The following GRB10 variants were observed in gnomAD, a reference collection of about 807,000 sequenced individuals.
GRB10 encodes the protein growth factor receptor bound protein 10.
A neutral mutation model predicts 80.9 loss-of-function variants in GRB10; 20 were observed. The observed-to-expected ratio is 0.25, with a 90% CI of 0.17 to 0.36. The LOEUF is 0.36. Among genes scored for constraint, GRB10 ranks in the 10% least tolerant of loss-of-function variants. The pLI is 1.00. For missense variants in GRB10, 548 were observed against 747.7 expected (o/e 0.73, Z 3.12); for synonymous variants, 291 against 291.5 (o/e 1.00, Z 0.02).
intron 7 of GRB10, among the ~76,000 whole-genome samples, chr7:50,647,368 T>C (rs1017900275): frequency 7.3e-5 from 11 of 151,226 alleles, no homozygotes; most frequent in South Asian, 2.1e-4. Flanking sequence ...TTTGAAAAAA[T>C]GTTTTCAGAT....
intron 3 of GRB10, among the ~76,000 whole-genome samples, chr7:50,747,070 A>G (rs1252825170): frequency 6.6e-6 from 1 of 152,190 alleles, no homozygotes; most frequent in Non-Finnish European, 1.5e-5. Flanking sequence ...CCCTCAAATC[A>G]GCAGTCTCTC....
intron 5 of GRB10, among the ~76,000 whole-genome samples, chr7:50,681,650 C>T (rs936143491): frequency 8.5e-5 from 13 of 152,230 alleles, no homozygotes; most frequent in Admixed American, 3.3e-4. Flanking sequence ...TGTGTGCACA[C>T]GGAGCCTGCC....
chr7:50,636,550 A>C (rs2108353), intron 7 of GRB10, among the ~76,000 whole-genome samples: 80,033 of 151,948 alleles, frequency 0.53, 21,224 homozygotes, highest in Admixed American at 0.54. Context: ...AGTGGGTTTA[A>C]TTCCAGGGAT....
At chr7:50,700,652 C>T (rs966317030) in intron 5 of GRB10, among the ~76,000 whole-genome samples, 5 of 152,128 alleles carry the variant, frequency 3.3e-5, no homozygotes, top group African/African-American at 1.2e-4. Flanking sequence ...TCCACCTGTA[C>T]TATGTTCACT....
intron 5 of GRB10, among the ~76,000 whole-genome samples, chr7:50,687,954 T>G (rs888533181): frequency 4.7e-4 from 72 of 152,272 alleles, no homozygotes; most frequent in African/African-American, 1.7e-3. Flanking sequence ...ATTCCTCGTC[T>G]GTTCTGCTCA....
chr7:50,605,137 G>A (rs1443556432), intron 15 of GRB10, 153 bp downstream of exon 15: 1 of 654,164 alleles, frequency 1.5e-6, no homozygotes, highest in Non-Finnish European at 2.7e-6. Flanking sequence ...GGGCCTAGAA[G>A]GGCCAACTGC....
intron 3 of GRB10, among the ~76,000 whole-genome samples, chr7:50,745,333 C>G (rs1348529351): frequency 6.6e-6 from 1 of 152,070 alleles, no homozygotes; most frequent in African/African-American, 2.4e-5. Context: ...TTGTTTCTAC[C>G]TTTGGAATCC....
intron 4 of GRB10, among the ~76,000 whole-genome samples, chr7:50,722,527 G>C (rs1378293414): frequency 6.6e-6 from 1 of 152,174 alleles, no homozygotes; most frequent in African/African-American, 2.4e-5. Flanking sequence ...ATAGTTGATG[G>C]GGGCACATGG....
chr7:50,603,851 A>C, intron 17 of GRB10, 147 bp downstream of exon 17: 1 of 794,864 alleles, frequency 1.3e-6, no homozygotes, highest in East Asian at 2.4e-5. Flanking sequence ...CGTACCACTT[A>C]TACCTCTAGC....
chr7:50,689,598 G>A (rs945998501), intron 5 of GRB10, among the ~76,000 whole-genome samples: 4 of 152,158 alleles, frequency 2.6e-5, no homozygotes, highest in East Asian at 3.9e-4. Flanking sequence ...CCACTGAAAT[G>A]TCTGCTCCTC....
chr7:50,727,465 A>G (rs1268164509), intron 4 of GRB10, among the ~76,000 whole-genome samples: 2 of 152,224 alleles, frequency 1.3e-5, no homozygotes, highest in African/African-American at 4.8e-5. Context: ...CGAACAAACA[A>G]ATTAGTCAAA....
intron 6 of GRB10, among the ~76,000 whole-genome samples, chr7:50,672,656 G>A (rs1388352855): frequency 2.0e-5 from 3 of 152,152 alleles, no homozygotes; most frequent in Non-Finnish European, 4.4e-5. Context: ...ACATATGGGC[G>A]AGTTCAGCCA....
intron 10 of GRB10, among the ~76,000 whole-genome samples, chr7:50,617,035 G>A (rs1307304385): frequency 6.6e-6 from 1 of 152,118 alleles, no homozygotes; most frequent in Non-Finnish European, 1.5e-5. Flanking sequence ...GGTGCACCTG[G>A]GTCAGTCCTT....
chr7:50,659,121 TGCTCTAGCTTA>T, intron 7 of GRB10, among the ~76,000 whole-genome samples: 1 of 152,244 alleles, frequency 6.6e-6, no homozygotes. Flanking sequence ...ATGTTTCAGA[TGCTCTAGCTTA>T]GCTTGAGTGA....
chr7:50,730,528 G>A (rs1261963696), intron 4 of GRB10, among the ~76,000 whole-genome samples: 4 of 152,120 alleles, frequency 2.6e-5, no homozygotes, highest in Non-Finnish European at 5.9e-5. Context: ...GACATATGCC[G>A]CCAAGTCTTG....
intron 3 of GRB10, among the ~76,000 whole-genome samples, chr7:50,733,977 G>A (rs1274591594): frequency 6.6e-6 from 1 of 152,088 alleles, no homozygotes; most frequent in South Asian, 2.1e-4. Flanking sequence ...TGAGTTTCCA[G>A]CCTGCCTGCT....
intron 4 of GRB10, among the ~76,000 whole-genome samples, chr7:50,712,505 C>G (rs1276422371): frequency 6.9e-6 from 1 of 144,666 alleles, no homozygotes; most frequent in Admixed American, 7.3e-5. Flanking sequence ...AAGCCCTGGT[C>G]AGAGTACAAA....
rs558444606 is a variant in GRB10 at position 50,639,604 on chromosome 7, C to T, written c.505-12626G>A. On this transcript the variant is annotated intron_variant, in intron 7 of 18. Transcript: ENST00000401949. The stretch of plus-strand genomic sequence containing the variant: ...GGGAGAATGGCGTGAACCGGGGAGG[C>T]GGAGCTTGCAGTGAGCCGAGATTGC... Among the ~76,000 whole-genome samples the T allele has an allele frequency of 4.0e-4, 61 of 151,464 alleles. No individual in the cohort carries two copies. In the South Asian group the frequency reaches 0.011, roughly 27 times the overall value.
chr7:50,593,835 T>C (rs4304294), intron 18 of GRB10, among the ~76,000 whole-genome samples: 151,455 of 152,318 alleles, frequency 0.99, 75,304 homozygotes, highest in Middle Eastern at 1. Context: ...TCTAAAACCA[T>C]TGCTAGAGCT....
Sources: allele counts gnomAD v4.1 joint callset (sites outside exome capture counted in the v4.1 genomes callset), GRCh38; gene constraint gnomAD v4.1.1; transcripts MANE v1.5; gene names NCBI Gene and HGNC (gene_info 2026-07-23, HGNC 2026-07-21).